The following PAPSS1 variants were observed in gnomAD, a reference collection of about 807,000 sequenced individuals.
The protein encoded by PAPSS1 is 3'-phosphoadenosine 5'-phosphosulfate synthase 1.
In PAPSS1, 50 loss-of-function variants were observed where a neutral mutation model predicts 72.0. That is an observed-to-expected ratio of 0.69 (90% CI 0.55 to 0.88). The LOEUF is 0.88. Ranked by LOEUF, PAPSS1 falls within the 40% of genes least tolerant of loss-of-function variation. PAPSS1 has a pLI of 0.00. For missense variants in PAPSS1, 657 were observed against 782.2 expected (o/e 0.84, Z 1.91); for synonymous variants, 261 against 263.6 (o/e 0.99, Z 0.09).
At chr4:107,671,174 A>G (rs1202284688) in intron 5 of PAPSS1, among the ~76,000 whole-genome samples, 1 of 152,210 alleles carries the variant, frequency 6.6e-6, no homozygotes, top group African/African-American at 2.4e-5. Flanking sequence ...CCCTGAATAC[A>G]GTGCGGAATC....
intron 9 of PAPSS1, among the ~76,000 whole-genome samples, chr4:107,646,312 C>A (rs28537225): frequency 1.2e-5 from 1 of 85,300 alleles, no homozygotes; most frequent in Non-Finnish European, 2.2e-5. Context: ...TATATATATA[C>A]ACACACACAC....
chr4:107,715,962 C>T (rs1485148334), intron 1 of PAPSS1, among the ~76,000 whole-genome samples: 1 of 152,208 alleles, frequency 6.6e-6, no homozygotes, highest in African/African-American at 2.4e-5. Context: ...TTCCCAAGAT[C>T]ACCCAGATGG....
At chr4:107,690,408 A>G (rs558387896) in intron 3 of PAPSS1, among the ~76,000 whole-genome samples, 5 of 152,288 alleles carry the variant, frequency 3.3e-5, no homozygotes, top group South Asian at 2.1e-4. Flanking sequence ...TCTAACTAGT[A>G]TACTCTGATT....
rs543023477 is a variant in PAPSS1, at chr4:107,632,219, T to A, written c.1507-359A>T. ...TAATATATGAGGTTAGAAGTCAGGA[T>A]AATGGCTGATCCCTGGAGGGAGGCA... On this transcript the variant is annotated intron_variant, in intron 10 of 11. Transcript: ENST00000265174. Among the ~76,000 whole-genome samples the A allele has an allele frequency of 3.9e-5, 6 of 152,218 alleles. No homozygotes were observed. In the East Asian group the frequency reaches 1.2e-3, roughly 29 times the overall value.
chr4:107,668,059 AAGAG>A (rs1727369426), intron 5 of PAPSS1, among the ~76,000 whole-genome samples: 1 of 152,232 alleles, frequency 6.6e-6, no homozygotes, highest in South Asian at 2.1e-4. Flanking sequence ...AGGAATGTGA[AAGAG>A]AGTCAGAGAA....
chr4:107,663,118 A>C (rs1052417389), intron 5 of PAPSS1, among the ~76,000 whole-genome samples: 20 of 152,212 alleles, frequency 1.3e-4, no homozygotes, highest in African/African-American at 4.6e-4. Flanking sequence ...GACTTCTGTG[A>C]GGAAGAGTAT....
chr4:107,702,816 A>G (rs541267472), intron 1 of PAPSS1, among the ~76,000 whole-genome samples: 1 of 152,290 alleles, frequency 6.6e-6, no homozygotes, highest in East Asian at 1.9e-4. Context: ...TACAATTAAC[A>G]TGAGAATGCC....
chr4:107,673,413 T>C (rs995078047), intron 5 of PAPSS1, among the ~76,000 whole-genome samples: 1 of 151,976 alleles, frequency 6.6e-6, no homozygotes, highest in African/African-American at 2.4e-5. Context: ...ACGTGATGAA[T>C]GCAGAAGCCT....
chr4:107,642,575 G>A (rs1454104694), intron 10 of PAPSS1, among the ~76,000 whole-genome samples: 2 of 152,150 alleles, frequency 1.3e-5, no homozygotes, highest in African/African-American at 4.8e-5. Flanking sequence ...CATATGTAAA[G>A]CATTCAGAAT....
At chr4:107,706,323 T>C (rs569427609) in intron 1 of PAPSS1, among the ~76,000 whole-genome samples, 2 of 152,350 alleles carry the variant, frequency 1.3e-5, no homozygotes, top group East Asian at 3.9e-4. Context: ...CCATTACTTT[T>C]CATTCTTCTT....
At chr4:107,687,620 G>A (rs1722820541) in intron 3 of PAPSS1, among the ~76,000 whole-genome samples, 1 of 151,936 alleles carries the variant, frequency 6.6e-6, no homozygotes, top group Non-Finnish European at 1.5e-5. Flanking sequence ...GCCCCCTGCA[G>A]CCACTTCTCC....
intron 4 of PAPSS1, among the ~76,000 whole-genome samples, chr4:107,684,851 T>TGA: frequency 6.6e-6 from 1 of 152,294 alleles, no homozygotes; most frequent in South Asian, 2.1e-4. Context: ...CAGGACCTCC[T>TGA]GAGGGCTGTG....
In PAPSS1 at chr4:107,645,156, T is replaced by A. The variant is rs562816413; in HGVS notation, c.1238-86A>T. 16 of 1,060,272 alleles carry A rather than the reference T, an allele frequency of 1.5e-5. No individual in the cohort carries two copies. The South Asian group carries it at 3.5e-4, about 23-fold the overall frequency. The allele number at this position is 1,060,272 out of a possible 1,614,324, so 65.7% of individuals were successfully genotyped here. On this transcript the variant is annotated intron_variant, in intron 9 of 11. Transcript: ENST00000265174. The stretch of plus-strand genomic sequence containing the variant: ...ATACGCAATTTTTCTTAAAACTTGA[T>A]ACTTAGGATTAAGCAAAACATATGC...
intron 10 of PAPSS1, among the ~76,000 whole-genome samples, chr4:107,637,877 T>A (rs1189660355): frequency 1.3e-5 from 2 of 152,228 alleles, no homozygotes; most frequent in Non-Finnish European, 2.9e-5. Context: ...ATACCTTAAT[T>A]AATCTCATGA....
intron 11 of PAPSS1, among the ~76,000 whole-genome samples, chr4:107,625,052 G>T (rs936125223): frequency 3.9e-5 from 6 of 152,212 alleles, no homozygotes; most frequent in Non-Finnish European, 7.3e-5. Context: ...AGTAACTAAA[G>T]AAATGTAGGA....
chr4:107,656,921 G>A lies in PAPSS1; in HGVS notation c.870C>T (p.Cys290=). ...GFMREREYLQ[C]LHFDCLLDGG... ...CATCCAGAAGACAATCAAAATGAAG[G>A]CACTGCAAGTACTCCCTCTCTCTCA... The change falls in exon 7 of 12, where the codon TGC becomes TGT. Residue 290 remains cysteine, a synonymous_variant. Transcript: ENST00000265174. 1 of 1,610,494 alleles carries A rather than the reference G, an allele frequency of 6.2e-7. No individual in the cohort carries two copies. The highest frequency in any genetic ancestry group is 8.5e-7 in the Non-Finnish European group (1 of 1,176,760).
At chr4:107,681,617 A>G (rs967296474) in intron 5 of PAPSS1, among the ~76,000 whole-genome samples, 2 of 152,108 alleles carry the variant, frequency 1.3e-5, no homozygotes, top group African/African-American at 4.8e-5. Context: ...TCATGTTATC[A>G]CAAGGAAAAT....
chr4:107,620,967 A>G (rs1434917772), intron 11 of PAPSS1, among the ~76,000 whole-genome samples: 1 of 152,242 alleles, frequency 6.6e-6, no homozygotes, highest in Non-Finnish European at 1.5e-5. Flanking sequence ...AGTAAGAAAG[A>G]AGGTCAATGA....
intron 1 of PAPSS1, among the ~76,000 whole-genome samples, chr4:107,710,008 A>T (rs2125941059): frequency 6.6e-6 from 1 of 152,292 alleles, no homozygotes; most frequent in African/African-American, 2.4e-5. Context: ...CTTAGGCCTG[A>T]ATTTTTAGAC....
Sources: allele counts gnomAD v4.1 joint callset (sites outside exome capture counted in the v4.1 genomes callset), GRCh38; gene constraint gnomAD v4.1.1; transcripts MANE v1.5; gene names NCBI Gene and HGNC (gene_info 2026-07-23, HGNC 2026-07-21).